Variants in NUP153 observed in about 807,000 individuals in gnomAD.
The protein encoded by NUP153 is nucleoporin 153, also known as nuclear pore complex protein Nup153.
NUP153 carries 27 observed loss-of-function variants against 134.6 expected under a neutral mutation model. That is an observed-to-expected ratio of 0.20 (90% CI 0.15 to 0.28). NUP153 has a LOEUF of 0.28. Among genes scored for constraint, NUP153 ranks in the 10% least tolerant of loss-of-function variants. The pLI, the probability that NUP153 is intolerant of heterozygous loss-of-function variation, is 1.00. For synonymous variants in NUP153, 640 were observed against 623.5 expected (o/e 1.03, Z -0.40); for missense variants, 1,821 against 1,731.3 (o/e 1.05, Z -0.92).
chr6:17,681,211 T>TA lies in NUP153; in HGVS notation c.335-5442dup, dbSNP rs57471679. On this transcript the variant is annotated intron_variant, in intron 2 of 21. Coordinates refer to ENST00000262077, the MANE Select transcript of NUP153 (RefSeq NM_005124.4). ...CACATGTTCTCAAATGTGACAGCTT[T>TA]AAAAAAAAAAAACGGACTCAAAAGA... Among the ~76,000 whole-genome samples, 593 of 146,272 alleles carry TA rather than the reference T, an allele frequency of 4.1e-3. 2 individuals carry two copies. Among genetic ancestry groups the TA allele is most frequent in the Middle Eastern group, 0.014 (4 of 282 alleles).
chr6:17,621,698 G>T (rs1229238727), intron 20 of NUP153, among the ~76,000 whole-genome samples: 1 of 152,152 alleles, frequency 6.6e-6, no homozygotes, highest in African/African-American at 2.4e-5. Context: ...AGGCTTCGTT[G>T]GGGTGGTGGT....
intron 7 of NUP153, 30 bp downstream of exon 7, chr6:17,669,263 T>C (rs1767748128): frequency 4.4e-6 from 7 of 1,584,786 alleles, no homozygotes; most frequent in Non-Finnish European, 6.1e-6. Flanking sequence ...ATGAACAATA[T>C]TTTGTAAAAA....
intron 20 of NUP153, among the ~76,000 whole-genome samples, chr6:17,621,133 A>G (rs558198083): frequency 6.6e-6 from 1 of 152,214 alleles, no homozygotes; most frequent in East Asian, 1.9e-4. Context: ...CATCACTATC[A>G]TAAGGGAAAT....
At chr6:17,632,300 AAAACAAAC>A (rs570187630) in intron 17 of NUP153, among the ~76,000 whole-genome samples, 11 of 148,732 alleles carry the variant, frequency 7.4e-5, no homozygotes, top group African/African-American at 1.9e-4. Context: ...AACTGTCTCA[AAAACAAAC>A]AAACAAACAA....
In NUP153 at chr6:17,705,319, A is replaced by G. The variant is rs12194669; in HGVS notation, c.111+958T>C. The stretch of plus-strand genomic sequence containing the variant: ...TCCTATTCAATACTTCTAACAATCA[A>G]TATTTTAAAAATGGAATTTTCTCAG... On this transcript the variant is annotated intron_variant, in intron 1 of 21. Coordinates refer to ENST00000262077, the MANE Select transcript of NUP153 (RefSeq NM_005124.4). Among the ~76,000 whole-genome samples the G allele has an allele frequency of 8.9e-3, 1,350 of 152,276 alleles. 10 individuals are homozygous for G. The highest frequency in any genetic ancestry group is 0.014 in the Non-Finnish European group (937 of 68,024).
At position 17,639,957 on chromosome 6, in the gene NUP153, C is replaced by A. The variant is rs1431142492; in HGVS notation, c.1828G>T (p.Asp610Tyr). 1.2e-6 allele frequency: 2 copies of A among 1,610,550 alleles called. No homozygotes were observed. The highest frequency in any genetic ancestry group is 1.3e-5 in the African/African-American group (1 of 74,782). The change falls in exon 15 of 22, where the codon GAT becomes TAT. Residue 610 changes from aspartate to tyrosine, a missense_variant. Asp to Tyr is a radical substitution (Grantham distance 160). Transcript: ENST00000262077. ...ATCTTACCAGGGCTTTTCAGAATATCTAGAACACTTCCTTCTTTCAGGATT... is the reference window on the plus strand; with the variant it reads ...ATCTTACCAGGGCTTTTCAGAATATATAGAACACTTCCTTCTTTCAGGATT... The part of the protein sequence containing the change: ...AEILKEGSVL[D>Y]ILKSPGFASP...
chr6:17,630,710 GAGAGGGGAGGGGAGACA>G (rs1280568797), intron 17 of NUP153, among the ~76,000 whole-genome samples: 1 of 143,632 alleles, frequency 7.0e-6, no homozygotes, highest in East Asian at 2.2e-4. Context: ...GACGGGAGAC[GAGAGGGGAGGGGAGACA>G]AGAGGGGAGA....
intron 1 of NUP153, among the ~76,000 whole-genome samples, chr6:17,698,303 A>G (rs1019075045): frequency 3.3e-5 from 5 of 152,222 alleles, no homozygotes; most frequent in Non-Finnish European, 7.3e-5. Flanking sequence ...TATTGAAACT[A>G]GATTCAGGTC....
intron 5 of NUP153, among the ~76,000 whole-genome samples, chr6:17,674,503 T>C (rs1156709365): frequency 6.6e-6 from 1 of 152,190 alleles, no homozygotes; most frequent in Non-Finnish European, 1.5e-5. Context: ...GTGCAGTGGC[T>C]CACGCCTGTA....
In NUP153 at chr6:17,675,104, T is replaced by C. The variant is rs1025930104; in HGVS notation, c.724-71A>G. ...AGGTGGAGGTTGCAGTGAGTTAAGA[T>C]CATGCTGCTACACACTCAAGCCTGG... On this transcript the variant is annotated intron_variant, in intron 4 of 21. Transcript: ENST00000262077. This position sits in a 1 kb window ranked among gnomAD's most constrained non-coding sequence, Gnocchi z 4.4. The C allele has an allele frequency of 1.6e-5, 25 of 1,576,698 alleles. No homozygotes were observed. The African/African-American group carries it at 3.3e-4, about 21-fold the overall frequency.
chr6:17,617,980 T>C (rs1052136569), intron 20 of NUP153, among the ~76,000 whole-genome samples: 1 of 152,148 alleles, frequency 6.6e-6, no homozygotes, highest in Non-Finnish European at 1.5e-5. Context: ...GGCAAGAATA[T>C]CATTTTGAAA....
chr6:17,679,474 A>G (rs1032226938), intron 2 of NUP153, among the ~76,000 whole-genome samples: 1 of 152,188 alleles, frequency 6.6e-6, no homozygotes. Flanking sequence ...TATAACCTCT[A>G]TGTAAATCCC....
chr6:17,702,755 G>A (rs1271633652), intron 1 of NUP153, among the ~76,000 whole-genome samples: 1 of 152,092 alleles, frequency 6.6e-6, no homozygotes, highest in Non-Finnish European at 1.5e-5. Flanking sequence ...TAGGGGAGAA[G>A]GCAAGTAAGA....
At chr6:17,616,892 T>C (rs1027407671) in intron 20 of NUP153, among the ~76,000 whole-genome samples, 197 bp from the exon 21 acceptor site, 10 of 152,068 alleles carry the variant, frequency 6.6e-5, no homozygotes, top group African/African-American at 2.4e-4. Context: ...TGGGACTATA[T>C]AGGTGCGTGC....
At chr6:17,643,971 A>AG (rs1765996636) in intron 14 of NUP153, among the ~76,000 whole-genome samples, 1 of 152,224 alleles carries the variant, frequency 6.6e-6, no homozygotes, top group African/African-American at 2.4e-5. Context: ...AGTTAACATT[A>AG]AAGAAAAAAA....
rs1768197820 is a variant in NUP153, at chr6:17,675,901, T to C, written c.335-131A>G. On this transcript the variant is annotated intron_variant, in intron 2 of 21. Transcript: ENST00000262077. This position sits in a 1 kb window ranked among gnomAD's most constrained non-coding sequence, Gnocchi z 4.4. ...TTCAAATCACTGGGGCATCCCATAA[T>C]AAGCCCAATATAACATACTCCTAGG... The C allele has an allele frequency of 2.4e-6, 2 of 824,140 alleles. No individual in the cohort carries two copies. Among genetic ancestry groups the C allele is most frequent in the Non-Finnish European group, 3.9e-6 (2 of 515,030 alleles). The allele number at this position is 824,140 out of a possible 1,614,324, so 51.1% of individuals were successfully genotyped here. A position where few individuals can be genotyped will look rare whatever the true frequency, so the allele number is the denominator to read the frequency against.
intron 5 of NUP153, among the ~76,000 whole-genome samples, chr6:17,670,813 ATTTT>A (rs980194919): frequency 2.6e-5 from 4 of 151,826 alleles, no homozygotes; most frequent in African/African-American, 7.3e-5. Flanking sequence ...TTAATTTTTT[ATTTT>A]TTATTTTTTT....
chr6:17,632,503 C>A, intron 17 of NUP153, 147 bp downstream of exon 17: 1 of 592,608 alleles, frequency 1.7e-6, no homozygotes, highest in South Asian at 2.9e-5. Flanking sequence ...ACAGATATAA[C>A]TAAAACATCT....
intron 20 of NUP153, among the ~76,000 whole-genome samples, chr6:17,618,435 CT>C (rs1196994171): frequency 5.3e-5 from 8 of 151,744 alleles, no homozygotes; most frequent in African/African-American, 1.9e-4. Context: ...AACTCCATAT[CT>C]TTAATGAATA....
Sources: gnomAD v4.1 joint callset for allele counts (sites outside exome capture counted in the v4.1 genomes callset) on GRCh38, gnomAD v4.1.1 for gene constraint, Gnocchi (gnomAD v3.1) non-coding constraint, MANE v1.5 for transcripts, NCBI Gene and HGNC (gene_info 2026-07-23, HGNC 2026-07-21) for gene names.